The following ZNF567 variants were observed in gnomAD, a reference collection of about 807,000 sequenced individuals.
ZNF567 encodes zinc finger protein 567.
A neutral mutation model predicts 53.9 loss-of-function variants in ZNF567; 36 were observed. That is an observed-to-expected ratio of 0.67 (90% CI 0.51 to 0.88). The LOEUF is 0.88. Among genes scored for constraint, ZNF567 ranks in the 40% least tolerant of loss-of-function variants. ZNF567 has a pLI of 0.00. For synonymous variants in ZNF567, 224 were observed against 260.4 expected, an observed-to-expected ratio of 0.86 and a Z score of 1.35; for missense variants, 619 against 764.7, an observed-to-expected ratio of 0.81 and a Z score of 2.25.
chr19:36,712,679 A>G (rs2039850728), intron 4 of ZNF567, 102 bp from the exon 5 acceptor site: 5 of 1,381,496 alleles, frequency 3.6e-6, no homozygotes, highest in Non-Finnish European at 1.0e-6. Flanking sequence ...CTATATTGTT[A>G]CACAAATGGG....
intron 2 of ZNF567, among the ~76,000 whole-genome samples, chr19:36,690,523 C>T (rs370954169): frequency 1.3e-5 from 2 of 151,890 alleles, no homozygotes; most frequent in South Asian, 2.1e-4. Context: ...CCAGGGAGGT[C>T]GAGGCTGCAG....
chr19:36,721,477 TA>T (rs1323531891), downstream of ZNF567: 1 of 152,168 alleles, frequency 6.6e-6, no homozygotes, highest in Non-Finnish European at 1.5e-5. Context: ...TGCGGCTTTA[TA>T]ATTGTGAGAA....
chr19:36,694,752 G>A, intron 2 of ZNF567, 50 bp from the exon 3 acceptor site: 1 of 885,360 alleles, frequency 1.1e-6, no homozygotes, highest in Non-Finnish European at 1.7e-6. Context: ...AGAGCTGTGA[G>A]GCACATGTGG....
At chr19:36,689,048 G>A (rs1467934762) in intron 1 of ZNF567, among the ~76,000 whole-genome samples, 1 of 152,138 alleles carries the variant, frequency 6.6e-6, no homozygotes, top group African/African-American at 2.4e-5. Context: ...AGTGAGCCAA[G>A]ATCGCGCCAC....
chr19:36,704,447 G>A (rs1284515640), intron 3 of ZNF567, among the ~76,000 whole-genome samples: 1 of 152,002 alleles, frequency 6.6e-6, no homozygotes, highest in African/African-American at 2.4e-5. Context: ...AACAAAAAAA[G>A]TGTTTCTTCA....
At chr19:36,702,733 T>G (rs1251507643) in intron 3 of ZNF567, among the ~76,000 whole-genome samples, 2 of 152,260 alleles carry the variant, frequency 1.3e-5, no homozygotes, top group Non-Finnish European at 2.9e-5. Flanking sequence ...CTGAGGCTTC[T>G]GCATTCTTCA....
chr19:36,712,915 T>A, intron 5 of ZNF567, 48 bp downstream of exon 5: 1 of 1,477,632 alleles, frequency 6.8e-7, no homozygotes, highest in African/African-American at 1.4e-5. Context: ...AATGTAAATT[T>A]AAAAGGGTCA....
downstream of ZNF567, chr19:36,723,060 C>G: frequency 1.6e-6 from 1 of 638,194 alleles, no homozygotes; most frequent in South Asian, 1.8e-5. Flanking sequence ...ATAATCAGAA[C>G]TGTGAGAACC....
intron 3 of ZNF567, among the ~76,000 whole-genome samples, chr19:36,702,200 A>C (rs895854442): frequency 2.0e-5 from 3 of 152,004 alleles, no homozygotes; most frequent in African/African-American, 7.3e-5. Flanking sequence ...GTTTGGCTGG[A>C]TATGAAATTC....
chr19:36,704,557 A>G (rs1474422074), intron 3 of ZNF567, among the ~76,000 whole-genome samples: 1 of 152,076 alleles, frequency 6.6e-6, no homozygotes, highest in African/African-American at 2.4e-5. Context: ...TCCTGGGATA[A>G]ACTCCACTTG....
intron 3 of ZNF567, among the ~76,000 whole-genome samples, chr19:36,705,866 A>G (rs1166730601): frequency 1.3e-5 from 2 of 152,222 alleles, no homozygotes; most frequent in Non-Finnish European, 2.9e-5. Context: ...GAAATGCTTC[A>G]ATTAATCCTT....
At position 36,720,446 on chromosome 19, in the gene ZNF567, A is replaced by T; in HGVS notation, c.1722A>T (p.Ser574=). ...GTGGGAAAGCCTTTAGCAGGAAGTC[A>T]TATCTCATTCATCATCAAAGAACTC... ...PQCGKAFSRK[S]YLIHHQRTHT... Residue 574 remains serine (S), a synonymous_variant, in exon 6 of 6, where the codon TCA becomes TCT. Transcript: ENST00000682579. The T allele has an allele frequency of 6.2e-7, 1 of 1,614,066 alleles. No individual in the cohort carries two copies.
Position 36,689,487 on chromosome 19 carries a change from T to C in ZNF567, c.-77T>C, listed in dbSNP as rs2038480842. On this transcript the variant is annotated 5_prime_UTR_variant, in exon 2 of 6. Transcript: ENST00000682579. Reference sequence around the variant, plus strand: ...AAGAGGCTAACATGACTGATACCACTATAATTTAGTGTAAGTCATCTCTTA... The same window carrying C: ...AAGAGGCTAACATGACTGATACCACCATAATTTAGTGTAAGTCATCTCTTA... 1 of 152,056 alleles carries C rather than the reference T, an allele frequency of 6.6e-6. No homozygotes were observed. Among genetic ancestry groups the C allele is most frequent in the Non-Finnish European group, 1.5e-5 (1 of 68,040 alleles). 9.4% of individuals were successfully genotyped at this position (152,056 alleles called of 1,614,324 possible).
chr19:36,723,049 TATAATC>T (rs1261362557), downstream of ZNF567: 1 of 603,076 alleles, frequency 1.7e-6, no homozygotes, highest in Non-Finnish European at 3.0e-6. Flanking sequence ...TTATAGGACT[TATAATC>T]AGAACTGTGA....
intron 3 of ZNF567, chr19:36,703,711 C>T (rs1435025579): frequency 6.2e-5 from 10 of 162,472 alleles, no homozygotes; most frequent in Non-Finnish European, 1.2e-4. Context: ...AGCGAGACTC[C>T]GTGGGCATAG....
At position 36,720,266 on chromosome 19, in the gene ZNF567, C is replaced by G; in HGVS notation, c.1542C>G (p.Phe514Leu). The G allele has an allele frequency of 6.2e-7, 1 of 1,614,034 alleles. No homozygotes were observed. Among genetic ancestry groups the G allele is most frequent in the East Asian group, 2.2e-5 (1 of 44,858 alleles). The change falls in exon 6 of 6, where the codon TTC (phenylalanine) becomes TTG (leucine). Residue 514 changes from phenylalanine (F) to leucine (L), a missense_variant. Phe to Leu is a conservative substitution (Grantham distance 22, BLOSUM62 0). Transcript: ENST00000682579. ...PYECNECGKS[F>L]SQKTNLNLHQ... ...AATGTAATGAATGTGGTAAATCATTCAGTCAAAAGACAAATCTCAATCTAC... is the reference window on the plus strand; with the variant it reads ...AATGTAATGAATGTGGTAAATCATTGAGTCAAAAGACAAATCTCAATCTAC...
At chr19:36,713,974 A>C (rs2039917383) in intron 5 of ZNF567, among the ~76,000 whole-genome samples, 1 of 152,048 alleles carries the variant, frequency 6.6e-6, no homozygotes, top group Admixed American at 6.6e-5. Context: ...ACTCTCCCCA[A>C]ATACATTCTT....
the ZNF567 span, among the ~76,000 whole-genome samples, chr19:36,678,253 G>A: frequency 6.6e-6 from 1 of 152,152 alleles, no homozygotes; most frequent in African/African-American, 2.4e-5. Flanking sequence ...GGTCCCTTCA[G>A]TCTGAGTTCC....
chr19:36,718,945 TA>T lies in ZNF567; in HGVS notation c.224-2del. 6.5e-7 allele frequency: 1 copy of T among 1,549,620 alleles called. No homozygotes were observed. Among genetic ancestry groups the T allele is most frequent in the Non-Finnish European group, 8.7e-7 (1 of 1,155,622 alleles). Reference sequence around the variant, plus strand: ...AATTGTTATCAATTATATTCTTTTCTAGAAGAAAACTGGAAAGCTGAAGACT... The same window carrying T: ...AATTGTTATCAATTATATTCTTTTCTGAAGAAAACTGGAAAGCTGAAGACT... On this transcript the variant is annotated splice_acceptor_variant, in intron 5 of 5. Coordinates refer to ENST00000682579, the MANE Select transcript of ZNF567 (RefSeq NM_001322917.1). LOFTEE classifies it high-confidence loss of function.
Sources: allele counts gnomAD v4.1 joint callset (sites outside exome capture counted in the v4.1 genomes callset), GRCh38; gene constraint gnomAD v4.1.1; transcripts MANE v1.5; gene names NCBI Gene and HGNC (gene_info 2026-07-23, HGNC 2026-07-21).